LRRC8A: variants seen among roughly 807,000 people sequenced by gnomAD.
The protein encoded by LRRC8A is leucine rich repeat containing 8 VRAC subunit A.
Under a neutral mutation model 52.5 loss-of-function variants are expected in LRRC8A, and 24 were observed. The ratio of observed to expected loss-of-function variants is 0.46; its 90% CI spans 0.33 to 0.64. The LOEUF is 0.64. Among genes scored for constraint, LRRC8A ranks in the 30% least tolerant of loss-of-function variants. The pLI, the probability that LRRC8A is intolerant of heterozygous loss-of-function variation, is 0.02. For synonymous variants in LRRC8A, 492 were observed against 494.2 expected (o/e 1.00, Z 0.06); for missense variants, 677 against 1,094.7 (o/e 0.62, Z 5.38).
chr9:128,909,388 C>A, intron 3 of LRRC8A, 67 bp downstream of exon 3: 2 of 1,477,200 alleles, frequency 1.4e-6, no homozygotes, highest in Non-Finnish European at 1.9e-6. Flanking sequence ...TGTGGTGGGG[C>A]ACTCGGCAGG....
At chr9:128,906,286 C>T (rs938235592) in intron 2 of LRRC8A, among the ~76,000 whole-genome samples, 1 of 128,152 alleles carries the variant, frequency 7.8e-6, no homozygotes, top group African/African-American at 3.4e-5. Flanking sequence ...GGATTACAGG[C>T]GTGAGCCACC....
At chr9:128,896,285 A>G (rs894881938) in intron 2 of LRRC8A, among the ~76,000 whole-genome samples, 1 of 152,222 alleles carries the variant, frequency 6.6e-6, no homozygotes, top group Non-Finnish European at 1.5e-5. Context: ...AAGCATTTCC[A>G]TTGTATGATT....
chr9:128,908,566 C>T lies in LRRC8A; in HGVS notation c.1402C>T (p.Leu468Phe), dbSNP rs758037166. ...GACCATCCCGCCCAGCATTGCCCAG[C>T]TCACGGGCCTCAAGGAGCTGTGGCT... is the stretch of plus-strand genomic sequence containing the variant. Reference protein sequence around the residue: ...DVTIPPSIAQLTGLKELWLYH... With the variant: ...DVTIPPSIAQFTGLKELWLYH... Residue 468 changes from leucine (L) to phenylalanine (F), a missense_variant, in exon 3 of 4, where the codon CTC becomes TTC. Around this residue, in one of 4 missense-constraint regions of LRRC8A, gnomAD observed 422 missense variants for 741.5 expected, o/e 0.57. Transcript: ENST00000372600. The T allele has an allele frequency of 6.2e-7, 1 of 1,612,804 alleles. No homozygotes were observed. Among genetic ancestry groups the T allele is most frequent in the Non-Finnish European group, 8.5e-7 (1 of 1,179,988 alleles).
chr9:128,910,815 G>A (rs973924958), intron 3 of LRRC8A, among the ~76,000 whole-genome samples: 2 of 152,182 alleles, frequency 1.3e-5, no homozygotes, highest in African/African-American at 2.4e-5. Flanking sequence ...TAAAAAGCGT[G>A]CAGCTCATAG....
chr9:128,912,036 GAC>G (rs1362557916), intron 3 of LRRC8A, among the ~76,000 whole-genome samples: 2 of 152,246 alleles, frequency 1.3e-5, no homozygotes, highest in African/African-American at 4.8e-5. Context: ...GCCTTGACAA[GAC>G]AGTATTCATT....
At position 128,909,213 on chromosome 9, in the gene LRRC8A, C is replaced by T; in HGVS notation, c.2049C>T (p.Tyr683=). 6.2e-7 allele frequency: 1 copy of T among 1,614,194 alleles called. No individual in the cohort carries two copies. Among genetic ancestry groups the T allele is most frequent in the Non-Finnish European group, 8.5e-7 (1 of 1,180,046 alleles). The change falls in exon 3 of 4, where the codon TAC becomes TAT. Residue 683 remains tyrosine, a synonymous_variant. Coordinates refer to ENST00000372600, the MANE Select transcript of LRRC8A (RefSeq NM_019594.4). The part of the protein sequence containing the change: ...KIEKIPTQLF[Y]CRKLRYLDLS... ...AGAAGATCCCCACCCAGCTCTTCTA[C>T]TGCCGCAAGCTGCGCTACCTGGACC...
At chr9:128,910,306 G>A (rs777608336) in intron 3 of LRRC8A, among the ~76,000 whole-genome samples, 5 of 152,222 alleles carry the variant, frequency 3.3e-5, no homozygotes, top group Non-Finnish European at 7.3e-5. Flanking sequence ...AGCCCAGCCA[G>A]CCACCCTTCT....
rs957412967 is a variant in LRRC8A at position 128,902,795 on chromosome 9, C to T, written c.-8-4362C>T. On this transcript the variant is annotated intron_variant, in intron 2 of 3. Coordinates refer to ENST00000372600, the MANE Select transcript of LRRC8A (RefSeq NM_019594.4). This position sits in a 1 kb window ranked among gnomAD's most constrained non-coding sequence, Gnocchi z 4.1. ...GGACCCACCTGGTCATTAGAGGGCC[C>T]GGGCCTTCCTGTGGGGCGGGTGCTT... 3.9e-5 allele frequency among the ~76,000 whole-genome samples: 6 copies of T among 152,178 alleles called. No individual in the cohort carries two copies. Among genetic ancestry groups the T allele is most frequent in the Admixed American group, 1.3e-4 (2 of 15,276 alleles).
Position 128,907,345 on chromosome 9 carries a change from A to C in LRRC8A, c.181A>C (p.Thr61Pro), listed in dbSNP as rs776287274. Residue 61 changes from threonine (T) to proline (P), a missense_variant, in exon 3 of 4, where the codon ACC (threonine) becomes CCC (proline). By Grantham distance (38) the Thr-to-Pro change is conservative. Coordinates refer to ENST00000372600, the MANE Select transcript of LRRC8A (RefSeq NM_019594.4). The surrounding 1 kb of genome is among the most constrained non-coding windows in gnomAD (Gnocchi z 9.3). ...KMICLPCKWVTKDSCNDSFRG... is the reference protein window; with the variant it reads ...KMICLPCKWVPKDSCNDSFRG... ...GATCTGCCTGCCTTGTAAGTGGGTCACCAAGGACTCCTGCAATGATTCGTT... is the reference window on the plus strand; with the variant it reads ...GATCTGCCTGCCTTGTAAGTGGGTCCCCAAGGACTCCTGCAATGATTCGTT... 6.2e-7 allele frequency: 1 copy of C among 1,613,824 alleles called. No homozygotes were observed. The highest frequency in any genetic ancestry group is 1.7e-5 in the Admixed American group (1 of 60,022).
At chr9:128,887,854 AG>A (rs1269807728) in intron 2 of LRRC8A, among the ~76,000 whole-genome samples, 4 of 151,788 alleles carry the variant, frequency 2.6e-5, no homozygotes, top group Admixed American at 6.6e-5. Flanking sequence ...CATGTTAGCC[AG>A]GATGGTCTTG....
intron 3 of LRRC8A, among the ~76,000 whole-genome samples, chr9:128,914,074 A>G (rs1395523633): frequency 1.3e-5 from 2 of 152,118 alleles, no homozygotes; most frequent in Non-Finnish European, 2.9e-5. Context: ...GCATGGTGGT[A>G]TGCGGCTGTA....
Position 128,908,976 on chromosome 9 carries a change from G to A in LRRC8A, c.1812G>A (p.Glu604=). 1 of 1,614,154 alleles carries A rather than the reference G, an allele frequency of 6.2e-7. No individual in the cohort carries two copies. Among genetic ancestry groups the A allele is most frequent in the Non-Finnish European group, 8.5e-7 (1 of 1,180,030 alleles). The part of the protein sequence containing the change: ...TELELIRCDL[E]RIPHSIFSLH... ...TGGAGCTGATCCGCTGTGACCTGGA[G>A]CGCATCCCCCACTCCATCTTCAGCC... The change falls in exon 3 of 4, where the codon GAG becomes GAA. Residue 604 remains glutamate, a synonymous_variant. Transcript: ENST00000372600.
At chr9:128,903,187 G>C (rs1047175106) in intron 2 of LRRC8A, among the ~76,000 whole-genome samples, 4 of 152,108 alleles carry the variant, frequency 2.6e-5, no homozygotes, top group African/African-American at 9.7e-5. Context: ...TGGCCTCTTG[G>C]GCATCAAGGA....
chr9:128,885,045 CCTG>C (rs1486516181), intron 1 of LRRC8A: 2 of 152,740 alleles, frequency 1.3e-5, no homozygotes, highest in African/African-American at 2.4e-5. Context: ...CTGGGTAACT[CCTG>C]CTGATCCTTT....
Position 128,907,415 on chromosome 9 carries a change from C to T in LRRC8A, c.251C>T (p.Ser84Phe). The T allele has an allele frequency of 1.2e-6, 2 of 1,613,512 alleles. No homozygotes were observed. Among genetic ancestry groups the T allele is most frequent in the South Asian group, 1.1e-5 (1 of 91,086 alleles). Reference sequence around the variant, plus strand: ...GGCCCGGAGCCCACCTACCCCAACTCCACCATTCTGCCGACCCCTGACACG... The same window carrying T: ...GGCCCGGAGCCCACCTACCCCAACTTCACCATTCTGCCGACCCCTGACACG... ...APGPEPTYPN[S>F]TILPTPDTGP... Residue 84 changes from serine (S) to phenylalanine (F), a missense_variant, in exon 3 of 4, where the codon TCC (serine) becomes TTC (phenylalanine). This residue lies in a region of LRRC8A where 54 missense variants were observed against 49.7 expected (regional missense o/e 1.09). Transcript: ENST00000372600. This position sits in a 1 kb window ranked among gnomAD's most constrained non-coding sequence, Gnocchi z 9.3.
intron 3 of LRRC8A, chr9:128,912,965 GGT>G (rs1840626149): frequency 6.6e-6 from 1 of 152,376 alleles, no homozygotes; most frequent in Non-Finnish European, 1.5e-5. Context: ...CAGAGGCCAA[GGT>G]GTGTCTCATG....
At position 128,901,036 on chromosome 9, in the gene LRRC8A, G is replaced by T. The variant is rs145634287; in HGVS notation, c.-8-6121G>T. Among the ~76,000 whole-genome samples, 29 of 152,292 alleles carry T rather than the reference G, an allele frequency of 1.9e-4. No homozygotes were observed. In the East Asian group the frequency reaches 5.6e-3, roughly 29 times the overall value. ...AAAAATATAAAAATTATCCGGGCAT[G>T]GTGGTGCACGCCTGTAATCCCAGCT... On this transcript the variant is annotated intron_variant, in intron 2 of 3. Transcript: ENST00000372600.
intron 3 of LRRC8A, among the ~76,000 whole-genome samples, chr9:128,913,456 C>T (rs551545980): frequency 3.9e-5 from 6 of 152,232 alleles, no homozygotes; most frequent in African/African-American, 1.4e-4. Flanking sequence ...CTCCAGGGCA[C>T]GGGCCGGCGA....
intron 2 of LRRC8A, among the ~76,000 whole-genome samples, chr9:128,903,603 C>T (rs528669562): frequency 1.8e-4 from 27 of 151,686 alleles, no homozygotes; most frequent in Admixed American, 3.3e-4. Context: ...TTAGTAGAGA[C>T]GGAGTTTCAC....
Sources: allele counts gnomAD v4.1 joint callset (sites outside exome capture counted in the v4.1 genomes callset), GRCh38; gene constraint gnomAD v4.1.1; regional missense constraint gnomAD v4.1.1; non-coding constraint Gnocchi (gnomAD v3.1); transcripts MANE v1.5; gene names NCBI Gene and HGNC (gene_info 2026-07-23, HGNC 2026-07-21).